The following PCNT variants were observed in gnomAD, a reference collection of about 807,000 sequenced individuals.
PCNT encodes the protein kendrin.
A neutral mutation model predicts 380.4 loss-of-function variants in PCNT; 319 were observed. The ratio of observed to expected loss-of-function variants is 0.84; its 90% CI spans 0.77 to 0.92. PCNT has a LOEUF of 0.92. Ranked by LOEUF, PCNT falls within the 40% of genes least tolerant of loss-of-function variation. The probability of loss-of-function intolerance (pLI) is 0.00; values close to 1 mark genes in which losing one functional copy is unlikely to be tolerated. For synonymous variants in PCNT, 1,845 were observed against 1,735.2 expected (o/e 1.06, Z -1.57); for missense variants, 4,400 against 4,255.3 (o/e 1.03, Z -0.95).
intron 15 of PCNT, among the ~76,000 whole-genome samples, chr21:46,367,347 C>T (rs369392805): frequency 2.2e-5 from 3 of 138,110 alleles, no homozygotes; most frequent in Middle Eastern, 4.2e-3. Context: ...CTCACTCTTT[C>T]GCCAGGCTGG....
intron 41 of PCNT, among the ~76,000 whole-genome samples, 162 bp from the exon 42 acceptor site, chr21:46,439,921 C>A (rs1031621574): frequency 2.6e-5 from 4 of 152,188 alleles, no homozygotes; most frequent in Non-Finnish European, 5.9e-5. Context: ...GTAACCTAGG[C>A]CCTGCTGAGG....
At chr21:46,421,244 C>T (rs990945943) in intron 31 of PCNT, among the ~76,000 whole-genome samples, 19 of 152,230 alleles carry the variant, frequency 1.2e-4, no homozygotes, top group African/African-American at 4.3e-4. Flanking sequence ...GTGCTGCAGC[C>T]TCCGCTCCCC....
At position 46,425,756 on chromosome 21, in the gene PCNT, G is replaced by A. The variant is rs901483269; in HGVS notation, c.7180-75G>A. 339 of 1,603,484 alleles carry A rather than the reference G, an allele frequency of 2.1e-4. No homozygotes were observed. The highest frequency in any genetic ancestry group is 2.6e-4 in the Non-Finnish European group (307 of 1,175,872). ...CTTCACAGAGTCCTGGCGGCAGCTC[G>A]GGGCCGCAGGTGGTGTAGAGCGTGG... On this transcript the variant is annotated intron_variant, in intron 32 of 46. Coordinates refer to ENST00000359568, the MANE Select transcript of PCNT (RefSeq NM_006031.6). The surrounding 1 kb of genome is among the most constrained non-coding windows in gnomAD (Gnocchi z 4.2).
chr21:46,425,991 C>T lies in PCNT; in HGVS notation c.7320+20C>T, dbSNP rs1387131360. 5.0e-6 allele frequency: 8 copies of T among 1,609,280 alleles called. No homozygotes were observed. Among genetic ancestry groups the T allele is most frequent in the Non-Finnish European group, 6.8e-6 (8 of 1,177,150 alleles). On this transcript the variant is annotated intron_variant, in intron 33 of 46. Coordinates refer to ENST00000359568, the MANE Select transcript of PCNT (RefSeq NM_006031.6). The surrounding 1 kb of genome is among the most constrained non-coding windows in gnomAD (Gnocchi z 4.2). ...ACGCAGGTTTATTTTGCCCTTCACACACTTCTTTTCCAAAGGATTTAAGGA... is the reference window on the plus strand; with the variant it reads ...ACGCAGGTTTATTTTGCCCTTCACATACTTCTTTTCCAAAGGATTTAAGGA...
chr21:46,442,367 C>G (rs1601223124), intron 43 of PCNT, 130 bp from the exon 44 acceptor site: 6 of 707,416 alleles, frequency 8.5e-6, no homozygotes, highest in Non-Finnish European at 1.5e-5. Context: ...GACTGGCCGA[C>G]CTTGGCGTCC....
Position 46,397,493 on chromosome 21 carries a change from A to G in PCNT, c.4445A>G (p.Asp1482Gly). Residue 1482 changes from aspartate (D) to glycine (G), a missense_variant and splice_region_variant, in exon 22 of 47, where the codon GAT becomes GGT. Coordinates refer to ENST00000359568, the MANE Select transcript of PCNT (RefSeq NM_006031.6). ...TTGCGCAACCAGCGGCAATTCATGG[A>G]TGTAAGAATTCTGAATAATACATTT... ...KHLRNQRQFM[D>G]EQAAEREHER... is the part of the protein sequence containing the mutation. The G allele has an allele frequency of 6.2e-7, 1 of 1,611,478 alleles. No homozygotes were observed. Among genetic ancestry groups the G allele is most frequent in the Non-Finnish European group, 8.5e-7 (1 of 1,177,688 alleles).
chr21:46,402,569 C>T lies in PCNT; in HGVS notation c.5115+86C>T, dbSNP rs936506221. 3.6e-5 allele frequency: 52 copies of T among 1,443,134 alleles called. No homozygotes were observed. The Admixed American group carries it at 3.7e-4, about 10-fold the overall frequency. 89.4% of individuals were successfully genotyped at this position (1,443,134 alleles called of 1,614,324 possible). ...GCCACCAAGACCCTCATCGGGGAGG[C>T]GAGTCTCTGGTCTTCACAGACGCCC... On this transcript the variant is annotated intron_variant, in intron 27 of 46. Coordinates refer to ENST00000359568, the MANE Select transcript of PCNT (RefSeq NM_006031.6).
intron 15 of PCNT, among the ~76,000 whole-genome samples, chr21:46,367,541 C>G (rs1416686601): frequency 1.3e-5 from 2 of 152,120 alleles, no homozygotes; most frequent in East Asian, 1.9e-4. Context: ...CTCCTGACTT[C>G]AGGCGATCCA....
rs970670755 is a variant in PCNT, at chr21:46,442,343, G to A, written c.9624-154G>A. Among the ~76,000 whole-genome samples the A allele has an allele frequency of 7.2e-5, 11 of 152,088 alleles. No homozygotes were observed. The South Asian group carries it at 1.5e-3, about 20-fold the overall frequency. On this transcript the variant is annotated intron_variant, in intron 43 of 46. Coordinates refer to ENST00000359568, the MANE Select transcript of PCNT (RefSeq NM_006031.6). ...TTGGATGTGTGCACCCGGCATGCCAGGCCCGAGTCAACAGACTGGCCGACC... is the reference window on the plus strand; with the variant it reads ...TTGGATGTGTGCACCCGGCATGCCAAGCCCGAGTCAACAGACTGGCCGACC...
Position 46,431,908 on chromosome 21 carries a change from C to G in PCNT, c.8444C>G (p.Ala2815Gly). The G allele has an allele frequency of 6.2e-7, 1 of 1,614,050 alleles. No individual in the cohort carries two copies. The highest frequency in any genetic ancestry group is 8.5e-7 in the Non-Finnish European group (1 of 1,180,040). ...QAMLEKVQQQ[A>G]LHSQQQLEAE... ...ATGCTTGAAAAGGTGCAGCAGCAAG[C>G]CCTGCATTCTCAGCAGCAGCTTGAG... is the stretch of plus-strand genomic sequence containing the variant. The change falls in exon 38 of 47, where the codon GCC (alanine) becomes GGC (glycine). Residue 2815 changes from alanine to glycine, a missense_variant. Physicochemically the swap from Ala to Gly is moderately conservative, Grantham distance 60. Coordinates refer to ENST00000359568, the MANE Select transcript of PCNT (RefSeq NM_006031.6).
chr21:46,431,277 G>C, intron 37 of PCNT: 1 of 1,361,454 alleles, frequency 7.3e-7, no homozygotes, highest in Non-Finnish European at 9.5e-7. Context: ...TTCTGGAGAG[G>C]GACAGACTGG....
chr21:46,368,606 C>T (rs1569209969), intron 15 of PCNT, among the ~76,000 whole-genome samples: 1 of 152,246 alleles, frequency 6.6e-6, no homozygotes, highest in Non-Finnish European at 1.5e-5. Flanking sequence ...TCGTATCACA[C>T]ACACCTTGTG....
In PCNT at chr21:46,435,900, A is replaced by T. The variant is rs1223979286; in HGVS notation, c.8752-4A>T. 6.2e-7 allele frequency: 1 copy of T among 1,614,130 alleles called. No individual in the cohort carries two copies. Among genetic ancestry groups the T allele is most frequent in the Admixed American group, 1.7e-5 (1 of 60,030 alleles). On this transcript the variant is annotated splice_polypyrimidine_tract_variant and splice_region_variant and intron_variant, in intron 38 of 46. Coordinates refer to ENST00000359568, the MANE Select transcript of PCNT (RefSeq NM_006031.6). ...CTTCTCTGTCTTTTTTCTGTTAACA[A>T]CAGCGAGAATTAGAACTGCAGCGTC...
rs1463578790 is a variant in PCNT at position 46,327,053 on chromosome 21, CTTTTTATTTTAT to C, written c.267+475_267+486del. Among the ~76,000 whole-genome samples, 101 of 149,342 alleles carry C rather than the reference CTTTTTATTTTAT, an allele frequency of 6.8e-4. 1 individual carries two copies. The highest frequency in any genetic ancestry group is 2.0e-3 in the South Asian group (9 of 4,586). ...GTGAGTAAATTTTTATGGTTTTATT[CTTTTTATTTTAT>C]TTTTTATTTTTTTGAGATGGATTCT... On this transcript the variant is annotated intron_variant, in intron 2 of 46. Coordinates refer to ENST00000359568, the MANE Select transcript of PCNT (RefSeq NM_006031.6).
intron 8 of PCNT, among the ~76,000 whole-genome samples, chr21:46,351,090 G>T (rs928862565): frequency 1.1e-4 from 16 of 152,222 alleles, no homozygotes; most frequent in African/African-American, 3.9e-4. Flanking sequence ...CAGTCTGTAT[G>T]TATGACCCTA....
chr21:46,406,496 A>G (rs1352489956), intron 27 of PCNT, among the ~76,000 whole-genome samples: 1 of 152,224 alleles, frequency 6.6e-6, no homozygotes, highest in Non-Finnish European at 1.5e-5. Context: ...CAATTTATGT[A>G]TATTAGTAGC....
At chr21:46,351,338 C>A (rs1309733383) in intron 8 of PCNT, 91 bp from the exon 9 acceptor site, 1 of 788,810 alleles carries the variant, frequency 1.3e-6, no homozygotes. Context: ...CCCTTAGGAT[C>A]GCAGTGGCAG....
chr21:46,398,500 G>C (rs969580661), intron 24 of PCNT, among the ~76,000 whole-genome samples: 21 of 152,258 alleles, frequency 1.4e-4, no homozygotes, highest in Non-Finnish European at 3.1e-4. Context: ...GTTCCCCAGA[G>C]GTCTCATCCA....
chr21:46,374,605 T>G (rs1257692195), intron 15 of PCNT, among the ~76,000 whole-genome samples: 6 of 152,052 alleles, frequency 3.9e-5, no homozygotes, highest in African/African-American at 9.7e-5. Flanking sequence ...ATCCCAGCAC[T>G]TTGGGAGGCC....
Sources: allele counts gnomAD v4.1 joint callset (sites outside exome capture counted in the v4.1 genomes callset), GRCh38; gene constraint gnomAD v4.1.1; non-coding constraint Gnocchi (gnomAD v3.1); transcripts MANE v1.5; gene names NCBI Gene and HGNC (gene_info 2026-07-23, HGNC 2026-07-21).